BICD1: variants seen among roughly 807,000 people sequenced by gnomAD.
The protein encoded by BICD1 is BICD cargo adaptor 1.
A neutral mutation model predicts 92.5 loss-of-function variants in BICD1; 35 were observed. The ratio of observed to expected loss-of-function variants is 0.38; its 90% CI spans 0.29 to 0.50. The LOEUF is 0.50. Among genes scored for constraint, BICD1 ranks in the 20% least tolerant of loss-of-function variants. BICD1 has a pLI of 0.93. For synonymous variants in BICD1, 429 were observed against 465.1 expected, an observed-to-expected ratio of 0.92 and a Z score of 1.00; for missense variants, 950 against 1,189.8, an observed-to-expected ratio of 0.80 and a Z score of 2.97.
intron 1 of BICD1, among the ~76,000 whole-genome samples, chr12:32,128,752 AT>A (rs10714974): frequency 0.29 from 43,923 of 151,864 alleles, 6,578 homozygotes; most frequent in Admixed American, 0.43. Context: ...TTACTTTAGA[AT>A]CTTTTAAAAC....
intron 8 of BICD1, among the ~76,000 whole-genome samples, chr12:32,359,371 G>A (rs1939234222): frequency 6.6e-6 from 1 of 151,832 alleles, no homozygotes; most frequent in Non-Finnish European, 1.5e-5. Flanking sequence ...GAAGTCCAAG[G>A]TCACGGTGAG....
intron 8 of BICD1, chr12:32,340,105 T>C (rs1482422934): frequency 1.0e-6 from 1 of 985,226 alleles, no homozygotes; most frequent in Non-Finnish European, 1.2e-6. Flanking sequence ...TTTTTTTCAT[T>C]TTACCTTAAT....
chr12:32,149,320 G>GT (rs1408390967), intron 1 of BICD1, among the ~76,000 whole-genome samples: 1 of 152,188 alleles, frequency 6.6e-6, no homozygotes, highest in Non-Finnish European at 1.5e-5. Context: ...TAATTTTGCT[G>GT]TATGTTCTTG....
At chr12:32,201,085 G>A (rs1257898518) in intron 1 of BICD1, among the ~76,000 whole-genome samples, 1 of 152,082 alleles carries the variant, frequency 6.6e-6, no homozygotes, top group African/African-American at 2.4e-5. Flanking sequence ...TTCCATCTTG[G>A]CTTTCAAAAG....
chr12:32,230,443 T>C (rs1199230535), intron 2 of BICD1, among the ~76,000 whole-genome samples: 7 of 35,142 alleles, frequency 2.0e-4, no homozygotes, highest in Admixed American at 3.8e-4. Context: ...AATAAATAAA[T>C]AAGCAAGCAA....
At chr12:32,295,556 C>CTGAT (rs139495059) in intron 3 of BICD1, among the ~76,000 whole-genome samples, 19,238 of 151,082 alleles carry the variant, frequency 0.13, 1,316 homozygotes, top group East Asian at 0.22. Context: ...ACATGATACA[C>CTGAT]TGATTGATTG....
At chr12:32,322,739 G>A (rs1948690651) in intron 4 of BICD1, among the ~76,000 whole-genome samples, 1 of 152,192 alleles carries the variant, frequency 6.6e-6, no homozygotes, top group Non-Finnish European at 1.5e-5. Flanking sequence ...CTTAGAAAAT[G>A]TTTATATTAA....
intron 1 of BICD1, among the ~76,000 whole-genome samples, chr12:32,192,457 G>T (rs3043309): frequency 7.3e-6 from 1 of 136,156 alleles, no homozygotes; most frequent in African/African-American, 2.7e-5. Context: ...TAAATAAATA[G>T]ATAGATAGAT....
rs1026947222 is a variant in BICD1, at chr12:32,124,563, ATAG to A, written c.213+17022_213+17024del. 2.6e-4 allele frequency among the ~76,000 whole-genome samples: 39 copies of A among 152,288 alleles called. 1 individual carries two copies. The highest frequency in any genetic ancestry group is 9.1e-4 in the African/African-American group (38 of 41,564). On this transcript the variant is annotated intron_variant, in intron 1 of 9. Coordinates refer to ENST00000652176, the MANE Select transcript of BICD1 (RefSeq NM_001714.4). Reference sequence around the variant, plus strand: ...AATGATGGATGTGATGGTGACAATAATAGTAATAATAATAAAATAATAATGTGT... The same window carrying A: ...AATGATGGATGTGATGGTGACAATAATAATAATAATAAAATAATAATGTGT...
chr12:32,258,301 T>C (rs1244949046), intron 2 of BICD1, among the ~76,000 whole-genome samples: 1 of 152,240 alleles, frequency 6.6e-6, no homozygotes, highest in Non-Finnish European at 1.5e-5. Flanking sequence ...CTAGTGAGTG[T>C]ATAGTGATAT....
At chr12:32,192,821 G>C (rs1944614775) in intron 1 of BICD1, among the ~76,000 whole-genome samples, 1 of 152,238 alleles carries the variant, frequency 6.6e-6, no homozygotes, top group Admixed American at 6.5e-5. Context: ...GTGGAGGAAG[G>C]AACTGCAGAT....
intron 3 of BICD1, among the ~76,000 whole-genome samples, chr12:32,294,404 A>C (rs1467515448): frequency 6.6e-6 from 1 of 152,158 alleles, no homozygotes; most frequent in Non-Finnish European, 1.5e-5. Context: ...CTCTGTGTTC[A>C]TTTATTTCAT....
At chr12:32,151,295 C>A (rs752510767) in intron 1 of BICD1, among the ~76,000 whole-genome samples, 6 of 152,218 alleles carry the variant, frequency 3.9e-5, no homozygotes, top group Non-Finnish European at 7.3e-5. Flanking sequence ...TAGACAGTCA[C>A]TTTCCTTCTT....
chr12:32,113,182 G>C (rs900806801), intron 1 of BICD1, among the ~76,000 whole-genome samples: 3 of 152,144 alleles, frequency 2.0e-5, no homozygotes, highest in African/African-American at 7.2e-5. Flanking sequence ...AGTGGCAGTA[G>C]GGATCGTGAG....
chr12:32,345,631 T>G (rs1426441128), intron 8 of BICD1, among the ~76,000 whole-genome samples: 4 of 152,210 alleles, frequency 2.6e-5, no homozygotes, highest in Non-Finnish European at 5.9e-5. Flanking sequence ...TACATTTATC[T>G]TTTTGTTTCT....
chr12:32,271,656 G>C (rs1311594079), intron 2 of BICD1, among the ~76,000 whole-genome samples: 1 of 152,108 alleles, frequency 6.6e-6, no homozygotes, highest in Non-Finnish European at 1.5e-5. Context: ...CCCATACCGT[G>C]CCTGTATAAA....
intron 1 of BICD1, among the ~76,000 whole-genome samples, chr12:32,142,256 A>G (rs1942947774): frequency 6.6e-6 from 1 of 151,858 alleles, no homozygotes; most frequent in Non-Finnish European, 1.5e-5. Flanking sequence ...AAATACAAAA[A>G]TTAGCCAGGT....
intron 2 of BICD1, among the ~76,000 whole-genome samples, chr12:32,224,475 G>T (rs1386682561): frequency 3.3e-5 from 5 of 152,268 alleles, no homozygotes; most frequent in Non-Finnish European, 1.5e-5. Context: ...ATTTCTTTTG[G>T]TTGAAAAGTT....
intron 5 of BICD1, among the ~76,000 whole-genome samples, chr12:32,329,267 G>A (rs1937722928): frequency 6.6e-6 from 1 of 151,934 alleles, no homozygotes; most frequent in Non-Finnish European, 1.5e-5. Context: ...ACCATGCCTG[G>A]CTAACTTTTT....
Sources: gnomAD v4.1 joint callset for allele counts (sites outside exome capture counted in the v4.1 genomes callset) on GRCh38, gnomAD v4.1.1 for gene constraint, MANE v1.5 for transcripts, NCBI Gene and HGNC (gene_info 2026-07-23, HGNC 2026-07-21) for gene names.